Variants in MDFIC2 observed in about 807,000 individuals in gnomAD.
MDFIC2 encodes the protein myoD family inhibitor domain-containing protein 2.
At chr3:70,310,114 T>C (rs1702441395) in intron 2 of MDFIC2, among the ~76,000 whole-genome samples, 1 of 152,142 alleles carries the variant, frequency 6.6e-6, no homozygotes, top group Non-Finnish European at 1.5e-5. Context: ...TGTTCTACTT[T>C]TTTTCCTTCT....
intron 2 of MDFIC2, among the ~76,000 whole-genome samples, chr3:70,288,189 G>A (rs1385098137): frequency 7.2e-6 from 1 of 138,798 alleles, no homozygotes; most frequent in African/African-American, 2.8e-5. Flanking sequence ...TTCTCTTGTG[G>A]GCATTTAGTG....
intron 2 of MDFIC2, among the ~76,000 whole-genome samples, chr3:70,290,188 G>GT (rs1702218337): frequency 6.6e-6 from 1 of 152,110 alleles, no homozygotes; most frequent in African/African-American, 2.4e-5. Context: ...CATCTTTGTG[G>GT]TTTTATCTAC....
chr3:70,286,939 A>G (rs1031082309), intron 2 of MDFIC2, among the ~76,000 whole-genome samples: 1 of 151,572 alleles, frequency 6.6e-6, no homozygotes, highest in Admixed American at 6.6e-5. Flanking sequence ...GTTGCTTATC[A>G]GCTTAAGGAG....
chr3:70,261,155 G>A (rs901013033), intron 2 of MDFIC2, among the ~76,000 whole-genome samples: 23 of 152,148 alleles, frequency 1.5e-4, no homozygotes, highest in Admixed American at 1.5e-3. Context: ...TTGTATTTCA[G>A]TTTGGTTCCC....
At chr3:70,275,685 ACAAT>A (rs1355413171) in intron 2 of MDFIC2, among the ~76,000 whole-genome samples, 1 of 152,214 alleles carries the variant, frequency 6.6e-6, no homozygotes, top group African/African-American at 2.4e-5. Context: ...ATCAGCGATA[ACAAT>A]ACTTACCTCA....
intron 2 of MDFIC2, among the ~76,000 whole-genome samples, chr3:70,257,345 T>C (rs1430704870): frequency 1.3e-5 from 2 of 152,102 alleles, no homozygotes; most frequent in Non-Finnish European, 2.9e-5. Flanking sequence ...GGATCATGGG[T>C]TTTAAGGAAT....
At chr3:70,298,379 A>T (rs942999574) in intron 2 of MDFIC2, among the ~76,000 whole-genome samples, 4 of 152,104 alleles carry the variant, frequency 2.6e-5, no homozygotes, top group Non-Finnish European at 5.9e-5. Flanking sequence ...TTGTTTAGTT[A>T]GCCAACATCA....
chr3:70,285,141 T>C (rs1702130540), intron 2 of MDFIC2, among the ~76,000 whole-genome samples: 2 of 151,750 alleles, frequency 1.3e-5, no homozygotes, highest in Admixed American at 6.6e-5. Context: ...TGTGCCATGC[T>C]GGTGCACTGC....
intron 2 of MDFIC2, among the ~76,000 whole-genome samples, chr3:70,303,480 C>A (rs2106703503): frequency 6.6e-6 from 1 of 152,228 alleles, no homozygotes; most frequent in South Asian, 2.1e-4. Flanking sequence ...CTTAGGCTCA[C>A]CAGAACTAGA....
At chr3:70,287,377 T>C (rs1368582988) in intron 2 of MDFIC2, among the ~76,000 whole-genome samples, 1 of 151,008 alleles carries the variant, frequency 6.6e-6, no homozygotes. Flanking sequence ...TTTGCATATA[T>C]TGAACCAGCC....
At chr3:70,237,082 T>C (rs1180494651) in intron 2 of MDFIC2, among the ~76,000 whole-genome samples, 3 of 152,146 alleles carry the variant, frequency 2.0e-5, no homozygotes, top group Non-Finnish European at 4.4e-5. Flanking sequence ...TTCCGTATTA[T>C]CAGTTTGGGA....
At chr3:70,220,571 T>C (rs1290078460) in intron 2 of MDFIC2, among the ~76,000 whole-genome samples, 1 of 152,176 alleles carries the variant, frequency 6.6e-6, no homozygotes, top group East Asian at 1.9e-4. Context: ...CATACAAAAC[T>C]AACCCTGGTT....
intron 2 of MDFIC2, among the ~76,000 whole-genome samples, chr3:70,233,809 G>C (rs7638933): frequency 6.6e-6 from 1 of 151,962 alleles, no homozygotes; most frequent in South Asian, 2.1e-4. Flanking sequence ...TCAGATTGTT[G>C]CATATCTAAA....
intron 2 of MDFIC2, among the ~76,000 whole-genome samples, chr3:70,309,990 G>A (rs9880142): frequency 0.39 from 59,961 of 151,936 alleles, 12,260 homozygotes; most frequent in South Asian, 0.56. Flanking sequence ...CTGTAGCACA[G>A]AGTAATTAAA....
intron 2 of MDFIC2, among the ~76,000 whole-genome samples, chr3:70,251,283 A>T (rs1701765445): frequency 6.6e-6 from 1 of 152,102 alleles, no homozygotes; most frequent in Non-Finnish European, 1.5e-5. Flanking sequence ...AGTTCTTAGA[A>T]CTCAATGTCC....
intron 2 of MDFIC2, among the ~76,000 whole-genome samples, chr3:70,306,638 A>G (rs1231041421): frequency 6.6e-6 from 1 of 152,026 alleles, no homozygotes; most frequent in Non-Finnish European, 1.5e-5. Flanking sequence ...GTACAACACA[A>G]TTTAACAGTC....
At chr3:70,290,890 G>A (rs1702231225) in intron 2 of MDFIC2, among the ~76,000 whole-genome samples, 1 of 152,174 alleles carries the variant, frequency 6.6e-6, no homozygotes, top group South Asian at 2.1e-4. Context: ...CGCTTCCCGA[G>A]TGAGGCAATG....
At chr3:70,223,430 A>G (rs1280165025) in intron 2 of MDFIC2, among the ~76,000 whole-genome samples, 4 of 152,160 alleles carry the variant, frequency 2.6e-5, no homozygotes, top group East Asian at 3.9e-4. Context: ...TTGAGCCTAC[A>G]TATGTTTAAG....
chr3:70,250,436 CACACACACACACACA>C (rs1701751594), intron 2 of MDFIC2, among the ~76,000 whole-genome samples: 1 of 151,488 alleles, frequency 6.6e-6, no homozygotes, highest in East Asian at 1.9e-4. Flanking sequence ...CACACACACA[CACACACACACACACA>C]AACACAAACC....
Sources: gnomAD v4.1 joint callset for allele counts (sites outside exome capture counted in the v4.1 genomes callset) on GRCh38, gnomAD v4.1.1 for gene constraint, MANE v1.5 for transcripts, NCBI Gene and HGNC (gene_info 2026-07-23, HGNC 2026-07-21) for gene names.